Variants in SUGCT observed in about 807,000 individuals in gnomAD.
SUGCT encodes the protein succinyl-CoA:glutarate CoA-transferase.
In SUGCT, 41 loss-of-function variants were observed where a neutral mutation model predicts 55.0. The observed-to-expected ratio is 0.74, with a 90% CI of 0.58 to 0.97. The LOEUF (loss-of-function observed/expected upper bound fraction) is 0.97, where lower values mean the gene tolerates loss of function less well. SUGCT is among the 50% of genes least tolerant of loss of function. The pLI is 0.00. For missense variants in SUGCT, 568 were observed against 547.8 expected, an observed-to-expected ratio of 1.04 and a Z score of -0.37; for synonymous variants, 187 against 200.4, an observed-to-expected ratio of 0.93 and a Z score of 0.56.
chr7:40,818,763 C>G (rs1377701830), intron 13 of SUGCT, among the ~76,000 whole-genome samples: 1 of 151,934 alleles, frequency 6.6e-6, no homozygotes, highest in Non-Finnish European at 1.5e-5. Flanking sequence ...GTAACATTAT[C>G]TTTTTTTAAA....
At chr7:40,955,398 G>A in the SUGCT span, among the ~76,000 whole-genome samples, 1 of 152,246 alleles carries the variant, frequency 6.6e-6, no homozygotes, top group South Asian at 2.1e-4. Context: ...TGTAGCAATT[G>A]TGAATGGGAA....
intron 13 of SUGCT, among the ~76,000 whole-genome samples, chr7:40,857,515 T>C (rs1794244891): frequency 1.3e-5 from 2 of 152,160 alleles, no homozygotes; most frequent in Non-Finnish European, 2.9e-5. Context: ...TACTCTTCAT[T>C]CTAAACTGGT....
intron 10 of SUGCT, among the ~76,000 whole-genome samples, chr7:40,450,432 C>A (rs1196678743): frequency 6.8e-6 from 1 of 146,492 alleles, no homozygotes; most frequent in African/African-American, 2.5e-5. Flanking sequence ...TTTTGAGAGA[C>A]AATCAGCTTT....
the SUGCT span, among the ~76,000 whole-genome samples, chr7:40,948,178 T>C: frequency 6.6e-6 from 1 of 152,220 alleles, no homozygotes; most frequent in Non-Finnish European, 1.5e-5. Flanking sequence ...TCAAACAGAA[T>C]ATAGTTTCTA....
At chr7:40,206,406 A>G (rs1786977984) in intron 6 of SUGCT, among the ~76,000 whole-genome samples, 1 of 152,230 alleles carries the variant, frequency 6.6e-6, no homozygotes, top group Non-Finnish European at 1.5e-5. Context: ...AGTATATTTA[A>G]TCACAAAGGT....
intron 13 of SUGCT, among the ~76,000 whole-genome samples, chr7:40,798,413 T>C (rs1790651148): frequency 6.6e-6 from 1 of 152,182 alleles, no homozygotes; most frequent in Admixed American, 6.5e-5. Context: ...TAGAATACTT[T>C]TTAAAAGGGA....
the SUGCT span, among the ~76,000 whole-genome samples, chr7:40,890,266 AT>A: frequency 2.8e-5 from 4 of 143,722 alleles, no homozygotes; most frequent in Non-Finnish European, 3.0e-5. Flanking sequence ...TTTATATTAT[AT>A]AATATAAATT....
chr7:41,029,916 T>G, the SUGCT span, among the ~76,000 whole-genome samples: 1 of 152,284 alleles, frequency 6.6e-6, no homozygotes, highest in East Asian at 1.9e-4. Flanking sequence ...TCATCCCTCA[T>G]CTCTCGCCTC....
intron 9 of SUGCT, among the ~76,000 whole-genome samples, chr7:40,421,735 CCTAA>C (rs1008358869): frequency 2.5e-4 from 38 of 152,116 alleles, no homozygotes; most frequent in Admixed American, 1.2e-3. Context: ...GGAGATGGGA[CCTAA>C]CTAAGTGGTA....
intron 12 of SUGCT, among the ~76,000 whole-genome samples, chr7:40,625,432 C>A (rs763145125): frequency 1.3e-5 from 2 of 152,120 alleles, no homozygotes; most frequent in Non-Finnish European, 2.9e-5. Context: ...TTCTTGACTG[C>A]ATTATTACGC....
chr7:40,226,212 A>G (rs1788341873), intron 6 of SUGCT, among the ~76,000 whole-genome samples: 1 of 152,200 alleles, frequency 6.6e-6, no homozygotes, highest in Non-Finnish European at 1.5e-5. Flanking sequence ...GAGATGCTGT[A>G]TCTGTACCAT....
the SUGCT span, among the ~76,000 whole-genome samples, chr7:40,889,549 C>G: frequency 6.6e-6 from 1 of 152,120 alleles, no homozygotes; most frequent in Non-Finnish European, 1.5e-5. Context: ...AGAACACATG[C>G]TCAGACCCCC....
intron 9 of SUGCT, among the ~76,000 whole-genome samples, chr7:40,355,195 A>G (rs1020743521): frequency 1.3e-5 from 2 of 152,182 alleles, no homozygotes; most frequent in African/African-American, 2.4e-5. Context: ...CATGGGAAGG[A>G]CACTGGAGTG....
At chr7:40,682,595 G>A (rs1784301276) in intron 12 of SUGCT, among the ~76,000 whole-genome samples, 1 of 152,128 alleles carries the variant, frequency 6.6e-6, no homozygotes, top group South Asian at 2.1e-4. Flanking sequence ...TTGGTGTATG[G>A]GGAGAAATCC....
At chr7:40,478,892 C>A (rs78040946) in intron 11 of SUGCT, among the ~76,000 whole-genome samples, 1 of 151,872 alleles carries the variant, frequency 6.6e-6, no homozygotes, top group Non-Finnish European at 1.5e-5. Flanking sequence ...CAAATCGATT[C>A]GATATATATA....
At chr7:40,397,708 A>G (rs1785815832) in intron 9 of SUGCT, among the ~76,000 whole-genome samples, 1 of 152,192 alleles carries the variant, frequency 6.6e-6, no homozygotes, top group South Asian at 2.1e-4. Context: ...AAATGTATAT[A>G]GAGACTGCAG....
the SUGCT span, among the ~76,000 whole-genome samples, chr7:41,008,785 T>C: frequency 1.3e-5 from 2 of 151,950 alleles, no homozygotes; most frequent in Non-Finnish European, 2.9e-5. Context: ...ACACCTCTCC[T>C]GCCCTCTTCT....
At chr7:40,381,228 A>G (rs1784851747) in intron 9 of SUGCT, among the ~76,000 whole-genome samples, 1 of 152,086 alleles carries the variant, frequency 6.6e-6, no homozygotes, top group South Asian at 2.1e-4. Context: ...GCTATATAAT[A>G]TATAAGTAAT....
At chr7:40,151,095 C>T (rs1383842443) in intron 1 of SUGCT, among the ~76,000 whole-genome samples, 1 of 152,076 alleles carries the variant, frequency 6.6e-6, no homozygotes, top group Admixed American at 6.6e-5. Flanking sequence ...AAAAAATTAG[C>T]TAGGCGTGGT....
Sources: allele counts gnomAD v4.1 joint callset (sites outside exome capture counted in the v4.1 genomes callset), GRCh38; gene constraint gnomAD v4.1.1; transcripts MANE v1.5; gene names NCBI Gene and HGNC (gene_info 2026-07-23, HGNC 2026-07-21).